The following ASIC2 variants were observed in gnomAD, a reference collection of about 807,000 sequenced individuals.
ASIC2 encodes the protein acid-sensing ion channel 2.
In ASIC2, 25 loss-of-function variants were observed where a neutral mutation model predicts 57.3. That is an observed-to-expected ratio of 0.44 (90% confidence interval 0.32 to 0.61). The LOEUF is 0.61. Among genes scored for constraint, ASIC2 ranks in the 20% least tolerant of loss-of-function variants. The probability of loss-of-function intolerance (pLI) is 0.06; values close to 1 mark genes in which losing one functional copy is unlikely to be tolerated. For synonymous variants in ASIC2, 319 were observed against 307.5 expected (o/e 1.04, Z -0.39); for missense variants, 641 against 738.1 (o/e 0.87, Z 1.52).
intron 7 of ASIC2, among the ~76,000 whole-genome samples, chr17:33,018,286 C>T (rs371398943): frequency 1.3e-5 from 1 of 77,366 alleles, no homozygotes; most frequent in Non-Finnish European, 3.5e-5. Flanking sequence ...CTTCAGATAC[C>T]CCTGCATCCA....
rs34933757 is a variant in ASIC2 at position 33,638,563 on chromosome 17, T to TACAC, written c.555+517411_555+517414dup. On this transcript the variant is annotated intron_variant, in intron 1 of 9. Coordinates refer to the ASIC2 transcript ENST00000359872. ...CATGAATGCATGCCTGCCTAGTTTG[T>TACAC]ACACACACACACACACACAAACATT... Among the ~76,000 whole-genome samples, 13 of 151,110 alleles carry TACAC rather than the reference T, an allele frequency of 8.6e-5. No homozygotes were observed. In the South Asian group the frequency reaches 1.5e-3, roughly 17 times the overall value.
chr17:33,423,338 G>A (rs545479727), intron 1 of ASIC2, among the ~76,000 whole-genome samples: 4 of 152,214 alleles, frequency 2.6e-5, no homozygotes, highest in African/African-American at 7.2e-5. Context: ...TTTGAATCTG[G>A]TCCTATCAGT....
chr17:33,019,854 GAGAA>G (rs2091827736), intron 7 of ASIC2, among the ~76,000 whole-genome samples: 1 of 152,016 alleles, frequency 6.6e-6, no homozygotes, highest in East Asian at 1.9e-4. Flanking sequence ...GAGAGAGAGA[GAGAA>G]AGAAAGAGAC....
chr17:34,128,925 G>A (rs1226411944), intron 1 of ASIC2, among the ~76,000 whole-genome samples: 3 of 152,024 alleles, frequency 2.0e-5, no homozygotes, highest in Non-Finnish European at 4.4e-5. Context: ...CTGTGGTTGG[G>A]GTTTCGGCTA....
chr17:33,283,565 T>C (rs1905041968), intron 1 of ASIC2, among the ~76,000 whole-genome samples: 1 of 152,196 alleles, frequency 6.6e-6, no homozygotes, highest in African/African-American at 2.4e-5. Context: ...CCCATCACTT[T>C]TTCCCTAAGA....
chr17:33,980,217 A>G lies in ASIC2; in HGVS notation c.555+175761T>C, dbSNP rs138889517. Among the ~76,000 whole-genome samples the G allele has an allele frequency of 2.9e-3, 443 of 152,246 alleles. 5 individuals are homozygous for G. The highest frequency in any genetic ancestry group is 0.01 in the African/African-American group (432 of 41,552). On this transcript the variant is annotated intron_variant, in intron 1 of 9. Coordinates refer to the ASIC2 transcript ENST00000359872. ...GGTGCTGGGAGCATGGTGGAAGGAC[A>G]CACCTCCACTGACAGCCACATATTT...
At chr17:33,798,647 T>G (rs1404097678) in intron 1 of ASIC2, among the ~76,000 whole-genome samples, 1 of 152,200 alleles carries the variant, frequency 6.6e-6, no homozygotes, top group Non-Finnish European at 1.5e-5. Flanking sequence ...GAAATCATCT[T>G]CAGGAATGTG....
chr17:33,819,305 C>T (rs547666582), intron 1 of ASIC2, among the ~76,000 whole-genome samples: 1 of 152,218 alleles, frequency 6.6e-6, no homozygotes, highest in Non-Finnish European at 1.5e-5. Context: ...TCACCCTCCG[C>T]TCCTCTCTCT....
intron 1 of ASIC2, among the ~76,000 whole-genome samples, chr17:33,629,767 AG>A (rs1906101866): frequency 6.6e-6 from 1 of 152,226 alleles, no homozygotes; most frequent in Non-Finnish European, 1.5e-5. Flanking sequence ...GCAAACTTCC[AG>A]GGTAGCAAAC....
intron 1 of ASIC2, among the ~76,000 whole-genome samples, chr17:34,132,405 G>A (rs1271981534): frequency 4.6e-5 from 7 of 152,146 alleles, no homozygotes. Context: ...TGGGGATGGA[G>A]TGCGAGCCGG....
At chr17:33,994,623 G>A (rs4566226) in intron 1 of ASIC2, among the ~76,000 whole-genome samples, 23,946 of 152,120 alleles carry the variant, frequency 0.16, 3,514 homozygotes, top group African/African-American at 0.38. Context: ...AACGTGCGAA[G>A]TTAGCTGTAG....
At position 33,191,682 on chromosome 17, in the gene ASIC2, C is replaced by T. The variant is rs1906425077; in HGVS notation, c.709-79615G>A. Among the ~76,000 whole-genome samples, 2 of 152,084 alleles carry T rather than the reference C, an allele frequency of 1.3e-5. 1 individual carries two copies. The highest frequency in any genetic ancestry group is 4.1e-4 in the South Asian group (2 of 4,826). The stretch of plus-strand genomic sequence containing the variant: ...AACAGGATCCACGGCCCTCTACACC[C>T]TGTTATTCACAGTGCTGGATTTCTC... On this transcript the variant is annotated intron_variant, in intron 1 of 9. Transcript: ENST00000225823.
intron 1 of ASIC2, among the ~76,000 whole-genome samples, chr17:34,122,321 C>T (rs2887318): frequency 6.6e-6 from 1 of 151,990 alleles, no homozygotes; most frequent in Non-Finnish European, 1.5e-5. Flanking sequence ...CACAAGGGAG[C>T]GAGGGTCCAG....
At chr17:34,014,132 T>C (rs1906863977) in intron 1 of ASIC2, among the ~76,000 whole-genome samples, 1 of 152,196 alleles carries the variant, frequency 6.6e-6, no homozygotes, top group Non-Finnish European at 1.5e-5. Context: ...TTCCCATTTA[T>C]TGGGTACTTA....
rs188299359 is a variant in ASIC2, at chr17:33,959,254, C to G, written c.555+196724G>C. Reference sequence around the variant, plus strand: ...GCCCTCCAAACTGTTTCAACCTCTGCCTGTTACTCAGTTCCAAAGTTGCCT... The same window carrying G: ...GCCCTCCAAACTGTTTCAACCTCTGGCTGTTACTCAGTTCCAAAGTTGCCT... On this transcript the variant is annotated intron_variant, in intron 1 of 9. Coordinates refer to the ASIC2 transcript ENST00000359872. 2.9e-4 allele frequency among the ~76,000 whole-genome samples: 44 copies of G among 152,316 alleles called. No homozygotes were observed. In the East Asian group the frequency reaches 7.9e-3, roughly 27 times the overall value.
intron 1 of ASIC2, among the ~76,000 whole-genome samples, chr17:33,714,141 C>A (rs1221273395): frequency 6.6e-6 from 1 of 152,112 alleles, no homozygotes; most frequent in African/African-American, 2.4e-5. Flanking sequence ...CCCCACTCCC[C>A]ATGAGGTGAT....
At chr17:33,886,754 G>C (rs931828801) in intron 1 of ASIC2, among the ~76,000 whole-genome samples, 11 of 151,748 alleles carry the variant, frequency 7.2e-5, no homozygotes, top group Admixed American at 2.0e-4. Context: ...AAAAAATGGA[G>C]TAAATCCTTA....
intron 1 of ASIC2, among the ~76,000 whole-genome samples, chr17:34,011,042 C>G (rs1382816123): frequency 1.3e-5 from 2 of 148,734 alleles, no homozygotes; most frequent in African/African-American, 2.6e-5. Context: ...TGCACACACA[C>G]ACACACACAC....
chr17:33,964,057 C>T (rs1179362667), intron 1 of ASIC2, among the ~76,000 whole-genome samples: 2 of 152,168 alleles, frequency 1.3e-5, no homozygotes, highest in African/African-American at 4.8e-5. Flanking sequence ...GGCCCAACTC[C>T]CCATTGCTGT....
Sources: gnomAD v4.1 joint callset for allele counts (sites outside exome capture counted in the v4.1 genomes callset) on GRCh38, gnomAD v4.1.1 for gene constraint, MANE v1.5 for transcripts, NCBI Gene and HGNC (gene_info 2026-07-23, HGNC 2026-07-21) for gene names.